The following WNT10A variants were observed in gnomAD, a reference collection of about 807,000 sequenced individuals.
The protein encoded by WNT10A is protein Wnt-10a.
In WNT10A, 37 loss-of-function variants were observed where a neutral mutation model predicts 36.1. The observed-to-expected ratio is 1.02, with a 90% CI of 0.79 to 1.35. The LOEUF (loss-of-function observed/expected upper bound fraction) is 1.35. WNT10A is among the 40% of genes most tolerant of loss of function. WNT10A has a pLI of 0.00. For synonymous variants in WNT10A, 255 were observed against 254.1 expected (o/e 1.00, Z -0.03); for missense variants, 613 against 601.4 (o/e 1.02, Z -0.20).
At chr2:218,882,519 C>T (rs1168407321) in intron 2 of WNT10A, 96 bp downstream of exon 2, 4 of 1,471,478 alleles carry the variant, frequency 2.7e-6, no homozygotes, top group Middle Eastern at 2.1e-4. Context: ...CTCAAGCTGG[C>T]ATCCTCCCAT....
In WNT10A at chr2:218,892,491, G is replaced by GC. The variant is rs538674465; in HGVS notation, c.757-278dup. ...GAAGCAAGAGCCTCCAGCCCCAAGG[G>GC]CCCCCTGCAGCTGCTGGAAAGGCGG... is the stretch of plus-strand genomic sequence containing the variant. On this transcript the variant is annotated intron_variant, in intron 3 of 3. Coordinates refer to ENST00000258411, the MANE Select transcript of WNT10A (RefSeq NM_025216.3). Among the ~76,000 whole-genome samples the GC allele has an allele frequency of 7.4e-3, 1,132 of 152,254 alleles. 6 individuals are homozygous for GC. The highest frequency in any genetic ancestry group is 0.012 in the Admixed American group (191 of 15,304).
chr2:218,880,799 CCCCGAGGGCGGTG>C, upstream of WNT10A: 1 of 514,108 alleles, frequency 1.9e-6, no homozygotes, highest in East Asian at 3.5e-5. The surrounding 1 kb of genome is among the most constrained non-coding windows in gnomAD (Gnocchi z 7.7). Context: ...CCCCCGCCCC[CCCCGAGGGCGGTG>C]CCCGGGGGTG....
intron 3 of WNT10A, among the ~76,000 whole-genome samples, chr2:218,892,220 A>G (rs1944658351): frequency 6.6e-6 from 1 of 151,704 alleles, no homozygotes; most frequent in Non-Finnish European, 1.5e-5. Flanking sequence ...CTACAAAGAG[A>G]TGTAGGGGGA....
At chr2:218,874,247 A>G in the WNT10A span, 1 of 181,338 alleles carries the variant, frequency 5.5e-6, no homozygotes, top group Admixed American at 6.2e-5. Context: ...CTGGACCCAC[A>G]GTTTTGGGGG....
At position 218,893,264 on chromosome 2, in the gene WNT10A, G is replaced by T; in HGVS notation, c.1247G>T (p.Cys416Phe). 1.3e-6 allele frequency: 2 copies of T among 1,550,580 alleles called. No homozygotes were observed. Among genetic ancestry groups the T allele is most frequent in the South Asian group, 1.2e-5 (1 of 85,546 alleles). Residue 416 changes from cysteine (C) to phenylalanine (F), a missense_variant, in exon 4 of 4, where the codon TGC becomes TTC. By Grantham distance (205) the Cys-to-Phe change is radical. Coordinates refer to ENST00000258411, the MANE Select transcript of WNT10A (RefSeq NM_025216.3). The surrounding 1 kb of genome is among the most constrained non-coding windows in gnomAD (Gnocchi z 6.3). Reference protein sequence around the residue: ...ECRITEWVSVCK With the variant: ...ECRITEWVSVFK ...CGCATCACCGAGTGGGTCAGCGTCT[G>T]CAAGTGAGCGGCCCGGGGTCCCCTG...
chr2:218,893,020 G>T lies in WNT10A; in HGVS notation c.1003G>T (p.Asp335Tyr). The part of the protein sequence containing the change: ...PGPRRRASPA[D>Y]LVYFEKSPDF... ...GCCGCGCCGACGGGCCAGCCCCGCCGACCTGGTCTACTTCGAAAAGTCTCC... is the reference window on the plus strand; with the variant it reads ...GCCGCGCCGACGGGCCAGCCCCGCCTACCTGGTCTACTTCGAAAAGTCTCC... Residue 335 changes from aspartate (D) to tyrosine (Y), a missense_variant, in exon 4 of 4, where the codon GAC becomes TAC. Asp to Tyr is a radical substitution (Grantham distance 160). Coordinates refer to ENST00000258411, the MANE Select transcript of WNT10A (RefSeq NM_025216.3). This position sits in a 1 kb window ranked among gnomAD's most constrained non-coding sequence, Gnocchi z 6.3. 6.3e-7 allele frequency: 1 copy of T among 1,590,534 alleles called. No individual in the cohort carries two copies. The highest frequency in any genetic ancestry group is 2.3e-5 in the East Asian group (1 of 44,236).
chr2:218,893,909 TAAAC>T lies in WNT10A; in HGVS notation c.*641_*644del, dbSNP rs1944687155. The stretch of plus-strand genomic sequence containing the variant: ...TCTTGCTGGGGGGAGGCATGGGCAA[TAAAC>T]AAGTAAATATACAAACAAGGTCATT... On this transcript the variant is annotated 3_prime_UTR_variant, in exon 4 of 4. Transcript: ENST00000258411. The surrounding 1 kb of genome is among the most constrained non-coding windows in gnomAD (Gnocchi z 6.3). 6.6e-6 allele frequency: 1 copy of T among 152,154 alleles called. No individual in the cohort carries two copies. Among genetic ancestry groups the T allele is most frequent in the Non-Finnish European group, 1.5e-5 (1 of 68,074 alleles). 9.4% of individuals were successfully genotyped at this position (152,154 alleles called of 1,614,324 possible). A position where few individuals can be genotyped will look rare whatever the true frequency, so the allele number is the denominator to read the frequency against.
In WNT10A at chr2:218,882,277, G is replaced by A. The variant is rs761027045; in HGVS notation, c.230G>A (p.Arg77His). 2.6e-5 allele frequency: 42 copies of A among 1,614,160 alleles called. No individual in the cohort carries two copies. Among genetic ancestry groups the A allele is most frequent in the South Asian group, 6.6e-5 (6 of 91,074 alleles). The change falls in exon 2 of 4, where the codon CGT (arginine) becomes CAT (histidine). Residue 77 changes from arginine to histidine, a missense_variant. Arg to His is a conservative substitution (Grantham distance 29, BLOSUM62 0). Coordinates refer to ENST00000258411, the MANE Select transcript of WNT10A (RefSeq NM_025216.3). ...CGGCGGCAGATGGAGGTGTGTGTGCGTCACCCTGATGTGGCTGCCTCAGCC... is the reference window on the plus strand; with the variant it reads ...CGGCGGCAGATGGAGGTGTGTGTGCATCACCCTGATGTGGCTGCCTCAGCC... Reference protein sequence around the residue: ...LSRRQMEVCVRHPDVAASAIQ... With the variant: ...LSRRQMEVCVHHPDVAASAIQ...
At chr2:218,874,899 C>T in the WNT10A span, among the ~76,000 whole-genome samples, 3 of 152,120 alleles carry the variant, frequency 2.0e-5, no homozygotes, top group African/African-American at 4.8e-5. Context: ...AATCACTTCT[C>T]AGGATTTTTG....
Position 218,893,574 on chromosome 2 carries a change from AAC to A in WNT10A, c.*304_*305del. ...ACCCTAAAACAAGCCTCAGCCAGGC[AAC>A]CCGTCAGTCTGTCTCCATCCTTTCA... On this transcript the variant is annotated 3_prime_UTR_variant, in exon 4 of 4. Coordinates refer to ENST00000258411, the MANE Select transcript of WNT10A (RefSeq NM_025216.3). This position sits in a 1 kb window ranked among gnomAD's most constrained non-coding sequence, Gnocchi z 6.3. 2.9e-6 allele frequency: 1 copy of A among 349,698 alleles called. No homozygotes were observed. Among genetic ancestry groups the A allele is most frequent in the East Asian group, 4.3e-5 (1 of 23,168 alleles). 21.7% of individuals were successfully genotyped at this position (349,698 alleles called of 1,614,324 possible). A position where few individuals can be genotyped will look rare whatever the true frequency, so the allele number is the denominator to read the frequency against.
chr2:218,888,179 C>G (rs1944599508), intron 2 of WNT10A, among the ~76,000 whole-genome samples: 1 of 152,240 alleles, frequency 6.6e-6, no homozygotes, highest in African/African-American at 2.4e-5. Context: ...TCTGGCTTCT[C>G]TTGCTGCCTG....
chr2:218,876,784 CT>C (rs1266850683), upstream of WNT10A, among the ~76,000 whole-genome samples: 1 of 152,236 alleles, frequency 6.6e-6, no homozygotes, highest in African/African-American at 2.4e-5. Context: ...CTGCACTTCT[CT>C]CAGAGACCAC....
chr2:218,881,107 A>C lies in WNT10A; in HGVS notation c.112A>C (p.Arg38=). The part of the protein sequence containing the change: ...FLLLLAAAMP[R]SAPNDILDLR... ...ACTGCTGCTGGCTGCTGCCATGCCC[A>C]GGTGAGCCCTCACCTCATGCTCCGC... The change falls in exon 1 of 4, where the codon AGG becomes CGG. Residue 38 remains arginine (R), a splice_region_variant and synonymous_variant. Transcript: ENST00000258411. The C allele has an allele frequency of 6.3e-7, 1 of 1,593,126 alleles. No individual in the cohort carries two copies.
Position 218,893,432 on chromosome 2 carries a change from C to A in WNT10A, c.*161C>A. On this transcript the variant is annotated 3_prime_UTR_variant, in exon 4 of 4. Transcript: ENST00000258411. This position sits in a 1 kb window ranked among gnomAD's most constrained non-coding sequence, Gnocchi z 6.3. The stretch of plus-strand genomic sequence containing the variant: ...CCTCAGCTCTGAGGTCTGTGATCGC[C>A]GGACAGTCCAGGCCTGTCTGAACCC... 9.3e-7 allele frequency: 1 copy of A among 1,077,308 alleles called. No homozygotes were observed. The highest frequency in any genetic ancestry group is 1.6e-5 in the African/African-American group (1 of 62,680). The allele number at this position is 1,077,308 out of a possible 1,614,324, so 66.7% of individuals were successfully genotyped here.
the WNT10A span, among the ~76,000 whole-genome samples, chr2:218,874,979 C>T: frequency 6.6e-6 from 1 of 152,084 alleles, no homozygotes; most frequent in African/African-American, 2.4e-5. Flanking sequence ...CTTGGGTTCA[C>T]ATGGCTGCAT....
At chr2:218,892,690 G>T in intron 3 of WNT10A, 84 bp from the exon 4 acceptor site, 1 of 1,536,640 alleles carries the variant, frequency 6.5e-7, no homozygotes, top group South Asian at 1.2e-5. Context: ...AATGGGAGTG[G>T]GTTTCAGAAG....
the WNT10A span, among the ~76,000 whole-genome samples, chr2:218,874,569 A>G: frequency 6.6e-6 from 1 of 152,120 alleles, no homozygotes; most frequent in Non-Finnish European, 1.5e-5. Context: ...AAGTGAGGAG[A>G]CAGAGGGCAG....
rs368563624 is a variant in WNT10A, at chr2:218,891,112, A to G, written c.756+749A>G. ...AACTACCTATGAAGTGGGCACTGTT[A>G]TTAACCTTATGTTGAGATATGGAAA... On this transcript the variant is annotated intron_variant, in intron 3 of 3. Transcript: ENST00000258411. 1.9e-3 allele frequency among the ~76,000 whole-genome samples: 286 copies of G among 152,336 alleles called. No homozygotes were observed. In the Middle Eastern group the frequency reaches 0.02, roughly 11 times the overall value.
intron 2 of WNT10A, 54 bp downstream of exon 2, chr2:218,882,477 G>T (rs991852605): frequency 1.9e-6 from 3 of 1,608,780 alleles, no homozygotes; most frequent in Admixed American, 1.7e-5. Context: ...CTCCACCTCA[G>T]AATCTATTCC....
Sources: allele counts gnomAD v4.1 joint callset (sites outside exome capture counted in the v4.1 genomes callset), GRCh38; gene constraint gnomAD v4.1.1; non-coding constraint Gnocchi (gnomAD v3.1); transcripts MANE v1.5; gene names NCBI Gene and HGNC (gene_info 2026-07-23, HGNC 2026-07-21).